The following SNX7 variants were observed in gnomAD, a reference collection of about 807,000 sequenced individuals.
The protein encoded by SNX7 is sorting nexin-7.
A neutral mutation model predicts 48.4 loss-of-function variants in SNX7; 35 were observed. That is an observed-to-expected ratio of 0.72 (90% confidence interval 0.55 to 0.96). The LOEUF (loss-of-function observed/expected upper bound fraction) is 0.96. Ranked by LOEUF, SNX7 falls within the 40% of genes least tolerant of loss-of-function variation. The pLI is 0.00. For missense variants in SNX7, 553 were observed against 548.9 expected (o/e 1.01, Z -0.07); for synonymous variants, 190 against 190.2 (o/e 1.00, Z 0.01).
intron 1 of SNX7, among the ~76,000 whole-genome samples, chr1:98,681,722 C>A (rs1035169553): frequency 1.3e-5 from 2 of 152,118 alleles, no homozygotes; most frequent in African/African-American, 4.8e-5. Context: ...GGATTTAGTT[C>A]TGTACTAGAG....
At chr1:98,681,804 C>T (rs187077366) in intron 1 of SNX7, among the ~76,000 whole-genome samples, 5 of 152,258 alleles carry the variant, frequency 3.3e-5, no homozygotes, top group East Asian at 3.9e-4. Context: ...TGTTGTATTG[C>T]GTCAGTGCTA....
chr1:98,663,003 C>G (rs34537528), intron 1 of SNX7, among the ~76,000 whole-genome samples: 42,702 of 152,058 alleles, frequency 0.28, 6,386 homozygotes, highest in Middle Eastern at 0.33. Context: ...GTTTTGTGCT[C>G]TTGACTTTTC....
intron 1 of SNX7, chr1:98,662,709 T>TC: frequency 7.8e-7 from 1 of 1,289,408 alleles, no homozygotes; most frequent in Non-Finnish European, 1.0e-6. Flanking sequence ...AGGTTGAATG[T>TC]CACTCCAGTT....
At chr1:98,700,314 C>G (rs943976939) in intron 6 of SNX7, among the ~76,000 whole-genome samples, 2 of 152,080 alleles carry the variant, frequency 1.3e-5, no homozygotes, top group Non-Finnish European at 2.9e-5. Flanking sequence ...TCTGAAGCAA[C>G]CTTTTACTCA....
intron 7 of SNX7, among the ~76,000 whole-genome samples, chr1:98,737,065 G>A (rs1653817092): frequency 6.7e-6 from 1 of 149,868 alleles, no homozygotes; most frequent in African/African-American, 2.5e-5. Context: ...CACTTCCCAG[G>A]ACTTTTCCCC....
chr1:98,700,926 G>T, intron 6 of SNX7, among the ~76,000 whole-genome samples: 1 of 152,108 alleles, frequency 6.6e-6, no homozygotes. Context: ...TGGTTGAATT[G>T]TTTGCTTGTC....
intron 3 of SNX7, 68 bp from the exon 4 acceptor site, chr1:98,691,467 A>G: frequency 7.8e-7 from 1 of 1,289,812 alleles, no homozygotes; most frequent in South Asian, 1.9e-5. Context: ...AAACAGGGAA[A>G]GCGTAGAATT....
intron 2 of SNX7, among the ~76,000 whole-genome samples, chr1:98,686,626 A>T (rs1650815081): frequency 6.6e-6 from 1 of 152,148 alleles, no homozygotes; most frequent in Non-Finnish European, 1.5e-5. Context: ...CTATATCAAG[A>T]TGTGGTAGAG....
intron 7 of SNX7, among the ~76,000 whole-genome samples, chr1:98,718,657 C>T (rs1652711367): frequency 6.6e-6 from 1 of 152,038 alleles, no homozygotes; most frequent in South Asian, 2.1e-4. Flanking sequence ...AAAGTGTGCC[C>T]ATCCCAATAT....
At chr1:98,681,025 C>G (rs181664785) in intron 1 of SNX7, among the ~76,000 whole-genome samples, 1 of 152,280 alleles carries the variant, frequency 6.6e-6, no homozygotes, top group Non-Finnish European at 1.5e-5. Context: ...AAAGACATAC[C>G]TGAGACTGGG....
rs918432091 is a variant in SNX7, at chr1:98,685,443, A to C, written c.363+376A>C. Among the ~76,000 whole-genome samples the C allele has an allele frequency of 2.0e-5, 3 of 152,170 alleles. No homozygotes were observed. The South Asian group carries it at 6.2e-4, about 31-fold the overall frequency. On this transcript the variant is annotated intron_variant, in intron 2 of 8. Coordinates refer to ENST00000306121, the MANE Select transcript of SNX7 (RefSeq NM_015976.5). The stretch of plus-strand genomic sequence containing the variant: ...TATTATGTATTCAGATTTCTTTGGA[A>C]GATTATAAAATATGGTACCATTTGT...
At chr1:98,740,920 A>G (rs929410246) in intron 8 of SNX7, among the ~76,000 whole-genome samples, 1 of 152,080 alleles carries the variant, frequency 6.6e-6, no homozygotes, top group Admixed American at 6.6e-5. Flanking sequence ...TGTTTGTTGA[A>G]TTTTTTCCTG....
chr1:98,666,603 C>T (rs2100902011), intron 1 of SNX7, among the ~76,000 whole-genome samples: 1 of 152,228 alleles, frequency 6.6e-6, no homozygotes. Context: ...GAGTTACTTT[C>T]AATAAAGGTG....
intron 7 of SNX7, 87 bp downstream of exon 7, chr1:98,701,990 A>G (rs1651775818): frequency 4.5e-6 from 4 of 896,584 alleles, no homozygotes; most frequent in East Asian, 5.3e-5. Context: ...TTGTCCTTAC[A>G]TGATTGTTTC....
At chr1:98,724,976 CAG>C (rs1281151814) in intron 7 of SNX7, among the ~76,000 whole-genome samples, 1 of 152,082 alleles carries the variant, frequency 6.6e-6, no homozygotes, top group African/African-American at 2.4e-5. Context: ...AGCAGTCAAG[CAG>C]AGTTTCTTTT....
intron 2 of SNX7, among the ~76,000 whole-genome samples, 177 bp downstream of exon 2, chr1:98,685,244 T>G (rs1415601225): frequency 6.6e-6 from 1 of 152,196 alleles, no homozygotes; most frequent in African/African-American, 2.4e-5. Context: ...TTGTTCTGTA[T>G]TAAGTCAGTG....
intron 1 of SNX7, 122 bp from the exon 2 acceptor site, chr1:98,684,763 T>A: frequency 1.5e-6 from 1 of 667,610 alleles, no homozygotes; most frequent in Non-Finnish European, 2.3e-6. Flanking sequence ...GTATACCACA[T>A]TTAACTAAAA....
chr1:98,698,662 CTT>C (rs1218706662), intron 5 of SNX7, 42 bp from the exon 6 acceptor site: 1 of 1,548,018 alleles, frequency 6.5e-7, no homozygotes, highest in Non-Finnish European at 8.8e-7. Context: ...ATTTTGAAAA[CTT>C]TTGTTTATTG....
chr1:98,697,792 T>A (rs894260749), intron 5 of SNX7, among the ~76,000 whole-genome samples: 6 of 152,052 alleles, frequency 3.9e-5, no homozygotes, highest in African/African-American at 1.4e-4. Context: ...GATAAGCTCA[T>A]TGAGGGCCAA....
Sources: allele counts gnomAD v4.1 joint callset (sites outside exome capture counted in the v4.1 genomes callset), GRCh38; gene constraint gnomAD v4.1.1; transcripts MANE v1.5; gene names NCBI Gene and HGNC (gene_info 2026-07-23, HGNC 2026-07-21).